Variants in KCNMA1 observed in about 807,000 individuals in gnomAD.
KCNMA1 encodes potassium calcium-activated channel subfamily M alpha 1.
KCNMA1 carries 29 observed loss-of-function variants against 140.0 expected under a neutral mutation model. That is an observed-to-expected ratio of 0.21 (90% CI 0.15 to 0.28). KCNMA1 has a LOEUF of 0.28. Among genes scored for constraint, KCNMA1 ranks in the 10% least tolerant of loss-of-function variants. KCNMA1 has a pLI of 1.00. For missense variants in KCNMA1, 880 were observed against 1,602.2 expected (o/e 0.55, Z 7.70); for synonymous variants, 612 against 611.9 (o/e 1.00, Z 0.00).
At chr10:77,309,511 C>T (rs1432554918) in intron 2 of KCNMA1, 1 of 152,270 alleles carries the variant, frequency 6.6e-6, no homozygotes, top group East Asian at 1.9e-4. Context: ...CAATGCTTTT[C>T]ATTTTCCCCA....
intron 20 of KCNMA1, among the ~76,000 whole-genome samples, chr10:76,958,938 C>T (rs1191762141): frequency 2.0e-5 from 3 of 152,138 alleles, no homozygotes; most frequent in Non-Finnish European, 2.9e-5. Flanking sequence ...AGCTGAAGGC[C>T]CCCGGCTGCC....
chr10:77,578,535 C>T (rs1180982483), intron 1 of KCNMA1, among the ~76,000 whole-genome samples: 1 of 152,214 alleles, frequency 6.6e-6, no homozygotes, highest in Non-Finnish European at 1.5e-5. Flanking sequence ...AGGACTCTGA[C>T]TTGAAAGTCT....
At chr10:77,558,507 G>A (rs746256587) in intron 1 of KCNMA1, among the ~76,000 whole-genome samples, 1 of 152,176 alleles carries the variant, frequency 6.6e-6, no homozygotes, top group Non-Finnish European at 1.5e-5. Flanking sequence ...GGGGTGGGGT[G>A]TTCCAGGGAA....
At chr10:77,455,231 T>TA (rs1440662045) in intron 1 of KCNMA1, among the ~76,000 whole-genome samples, 1 of 152,154 alleles carries the variant, frequency 6.6e-6, no homozygotes, top group African/African-American at 2.4e-5. Context: ...CAGCTACCCT[T>TA]ACTCCTACTC....
chr10:77,621,671 G>A (rs2091439220), intron 1 of KCNMA1, among the ~76,000 whole-genome samples: 1 of 152,164 alleles, frequency 6.6e-6, no homozygotes, highest in Admixed American at 6.5e-5. Context: ...GCTCACGCCT[G>A]TAATTCCAGC....
In KCNMA1 at chr10:77,472,494, C is replaced by G. The variant is rs371252276; in HGVS notation, c.379-68471G>C. Among the ~76,000 whole-genome samples the G allele has an allele frequency of 8.0e-5, 12 of 150,170 alleles. No homozygotes were observed. In the East Asian group the frequency reaches 2.4e-3, roughly 30 times the overall value. ...GCATACATACTAAACACACATCACACATACACATACACACACCACACACAC... is the reference window on the plus strand; with the variant it reads ...GCATACATACTAAACACACATCACAGATACACATACACACACCACACACAC... On this transcript the variant is annotated intron_variant, in intron 1 of 27. Coordinates refer to ENST00000286628, the MANE Select transcript of KCNMA1 (RefSeq NM_001161352.2).
intron 6 of KCNMA1, among the ~76,000 whole-genome samples, chr10:77,114,230 T>C (rs2097395597): frequency 6.6e-6 from 1 of 152,200 alleles, no homozygotes; most frequent in Admixed American, 6.5e-5. Context: ...CTGGACCTTA[T>C]GACATTTTGA....
intron 23 of KCNMA1, among the ~76,000 whole-genome samples, chr10:76,917,555 T>A (rs2053484684): frequency 6.6e-6 from 1 of 152,178 alleles, no homozygotes; most frequent in African/African-American, 2.4e-5. Flanking sequence ...ATATTCCATT[T>A]TCCCCTTCAG....
intron 2 of KCNMA1, among the ~76,000 whole-genome samples, chr10:77,382,865 CAAAAAA>C (rs767673552): frequency 1.6e-3 from 78 of 47,584 alleles, no homozygotes; most frequent in Non-Finnish European, 2.0e-3. Context: ...AGCTCCGTCT[CAAAAAA>C]AAAAAAAAAA....
chr10:77,104,165 A>T (rs2097155151), intron 9 of KCNMA1, among the ~76,000 whole-genome samples: 1 of 152,180 alleles, frequency 6.6e-6, no homozygotes. Context: ...CAATGTGAGG[A>T]TTCTGAAATA....
chr10:77,126,142 C>A (rs373565667), intron 5 of KCNMA1, among the ~76,000 whole-genome samples: 15 of 152,098 alleles, frequency 9.9e-5, no homozygotes, highest in East Asian at 9.6e-4. Flanking sequence ...TATTTTTATT[C>A]TATAAAATCT....
At chr10:77,504,421 G>A (rs570095110) in intron 1 of KCNMA1, among the ~76,000 whole-genome samples, 2 of 152,128 alleles carry the variant, frequency 1.3e-5, no homozygotes, top group Non-Finnish European at 2.9e-5. Flanking sequence ...CCGAGCAACC[G>A]AGAGGGGTGC....
chr10:77,505,190 G>C (rs1450715518), intron 1 of KCNMA1, among the ~76,000 whole-genome samples: 1 of 152,238 alleles, frequency 6.6e-6, no homozygotes, highest in Non-Finnish European at 1.5e-5. Context: ...CTTAAAATAA[G>C]TGGTACCTGG....
intron 2 of KCNMA1, among the ~76,000 whole-genome samples, chr10:77,334,694 TA>T (rs1246772554): frequency 6.6e-6 from 1 of 152,148 alleles, no homozygotes; most frequent in African/African-American, 2.4e-5. Flanking sequence ...ACATGAAACA[TA>T]CACTCAGTGT....
chr10:77,113,146 G>T (rs1422842871), intron 6 of KCNMA1, among the ~76,000 whole-genome samples: 2 of 151,972 alleles, frequency 1.3e-5, no homozygotes. Flanking sequence ...CAACTGTCAG[G>T]AAACAAGGAC....
At chr10:77,152,278 TTGTGTGTG>T (rs72088425) in intron 5 of KCNMA1, among the ~76,000 whole-genome samples, 1 of 99,118 alleles carries the variant, frequency 1.0e-5, no homozygotes, top group Non-Finnish European at 2.2e-5. Context: ...TTTTTTGCTT[TTGTGTGTG>T]TGTGTGTGTG....
intron 5 of KCNMA1, among the ~76,000 whole-genome samples, chr10:77,131,921 C>T (rs1342953613): frequency 6.8e-6 from 1 of 146,274 alleles, no homozygotes; most frequent in South Asian, 2.2e-4. Flanking sequence ...GCTGAGATCG[C>T]GCCACTGCAC....
At chr10:76,932,320 C>T (rs1345060156) in intron 23 of KCNMA1, among the ~76,000 whole-genome samples, 1 of 152,042 alleles carries the variant, frequency 6.6e-6, no homozygotes, top group East Asian at 1.9e-4. Flanking sequence ...ACTGTATGGA[C>T]AATAGAAAGT....
At chr10:77,007,653 G>GTGTGTGTATATATATATATATATA in intron 18 of KCNMA1, among the ~76,000 whole-genome samples, 2,239 of 87,898 alleles carry the variant, frequency 0.025, 110 homozygotes, top group Non-Finnish European at 0.032. Context: ...TTGTGTGTGT[G>GTGTGTGTATATATATATATATATA]TATATATATA....
Sources: allele counts gnomAD v4.1 joint callset (sites outside exome capture counted in the v4.1 genomes callset), GRCh38; gene constraint gnomAD v4.1.1; transcripts MANE v1.5; gene names NCBI Gene and HGNC (gene_info 2026-07-23, HGNC 2026-07-21).